Variants in KCNQ3 observed in about 807,000 individuals in gnomAD.
KCNQ3 encodes the protein potassium voltage-gated channel subfamily Q member 3, also known as potassium voltage-gated channel subfamily KQT member 3.
KCNQ3 carries 30 observed loss-of-function variants against 92.5 expected under a neutral mutation model. That is an observed-to-expected ratio of 0.32 (90% CI 0.24 to 0.44). The LOEUF is 0.44. Among genes scored for constraint, KCNQ3 ranks in the 20% least tolerant of loss-of-function variants. The pLI is 1.00. For synonymous variants in KCNQ3, 450 were observed against 468.8 expected, an observed-to-expected ratio of 0.96 and a Z score of 0.52; for missense variants, 913 against 1,140.3, an observed-to-expected ratio of 0.80 and a Z score of 2.87.
intron 1 of KCNQ3, among the ~76,000 whole-genome samples, chr8:132,222,925 T>G (rs1273304182): frequency 6.6e-6 from 1 of 152,208 alleles, no homozygotes; most frequent in Non-Finnish European, 1.5e-5. Context: ...CAATGCCAGC[T>G]TGGATGTGAC....
chr8:132,277,744 G>A (rs375740589), intron 1 of KCNQ3, among the ~76,000 whole-genome samples: 1 of 152,182 alleles, frequency 6.6e-6, no homozygotes, highest in Non-Finnish European at 1.5e-5. Context: ...CCAAAGGACG[G>A]CCCAGAAACC....
intron 13 of KCNQ3, 121 bp from the exon 14 acceptor site, chr8:132,132,385 T>C: frequency 1.3e-6 from 1 of 776,948 alleles, no homozygotes; most frequent in Non-Finnish European, 2.3e-6. Context: ...TTGTGTGGCA[T>C]AAAAGAGCAC....
At chr8:132,215,762 G>A (rs570655916) in intron 1 of KCNQ3, among the ~76,000 whole-genome samples, 29 of 152,320 alleles carry the variant, frequency 1.9e-4, no homozygotes, top group Admixed American at 7.8e-4. Flanking sequence ...TGAGGGTGCT[G>A]GTGAAGGCAC....
At chr8:132,448,571 AG>A (rs1456075342) in intron 1 of KCNQ3, among the ~76,000 whole-genome samples, 16 of 151,670 alleles carry the variant, frequency 1.1e-4, no homozygotes, top group Non-Finnish European at 2.2e-4. Context: ...AGGAGGAGGA[AG>A]GATGTGCTTG....
At chr8:132,343,075 A>C (rs1359815631) in intron 1 of KCNQ3, among the ~76,000 whole-genome samples, 1 of 152,186 alleles carries the variant, frequency 6.6e-6, no homozygotes, top group Admixed American at 6.5e-5. Context: ...CAGCGCTTCA[A>C]TCCAACCCTG....
chr8:132,235,204 T>C (rs1251492669), intron 1 of KCNQ3, among the ~76,000 whole-genome samples: 2 of 152,110 alleles, frequency 1.3e-5, no homozygotes, highest in Non-Finnish European at 2.9e-5. Context: ...CTAAGTGATT[T>C]AAGAAACTTC....
At chr8:132,284,797 G>T (rs557666895) in intron 1 of KCNQ3, among the ~76,000 whole-genome samples, 11 of 152,298 alleles carry the variant, frequency 7.2e-5, no homozygotes, top group African/African-American at 2.6e-4. Context: ...GTGCCGTTAA[G>T]GGGTGACTAG....
rs546182432 is a variant in KCNQ3 at position 132,217,449 on chromosome 8, G to A, written c.387-31268C>T. 2.4e-4 allele frequency among the ~76,000 whole-genome samples: 37 copies of A among 152,218 alleles called. No homozygotes were observed. The East Asian group carries it at 6.4e-3, about 26-fold the overall frequency. ...GAGTCGGCCGGACACGGTGGCTCACGCCTGTAATCCCAGCACTTTGGGAGG... is the reference window on the plus strand; with the variant it reads ...GAGTCGGCCGGACACGGTGGCTCACACCTGTAATCCCAGCACTTTGGGAGG... On this transcript the variant is annotated intron_variant, in intron 1 of 14. Coordinates refer to ENST00000388996, the MANE Select transcript of KCNQ3 (RefSeq NM_004519.4).
At chr8:132,463,643 G>A (rs781624960) in intron 1 of KCNQ3, among the ~76,000 whole-genome samples, 4 of 152,114 alleles carry the variant, frequency 2.6e-5, no homozygotes, top group South Asian at 2.1e-4. Flanking sequence ...CAGGTGACTC[G>A]GGCCAGGCAG....
At chr8:132,431,227 G>A (rs1821242845) in intron 1 of KCNQ3, among the ~76,000 whole-genome samples, 1 of 152,130 alleles carries the variant, frequency 6.6e-6, no homozygotes, top group Admixed American at 6.5e-5. Context: ...TGTCACTGAT[G>A]TGGACCATTC....
chr8:132,178,397 T>C (rs1285451304), intron 4 of KCNQ3, among the ~76,000 whole-genome samples: 1 of 152,230 alleles, frequency 6.6e-6, no homozygotes, highest in Non-Finnish European at 1.5e-5. Flanking sequence ...TTTTATGCTT[T>C]CATTCCACTT....
chr8:132,369,644 C>T (rs955599571), intron 1 of KCNQ3, among the ~76,000 whole-genome samples: 1 of 151,952 alleles, frequency 6.6e-6, no homozygotes. Context: ...CAGGAGCCAA[C>T]AGAAATAGTT....
intron 9 of KCNQ3, among the ~76,000 whole-genome samples, chr8:132,145,001 C>T (rs1487065670): frequency 1.3e-5 from 2 of 152,174 alleles, no homozygotes. Context: ...TGATTTTGAA[C>T]CCCCAGCCAG....
In KCNQ3 at chr8:132,389,317, C is replaced by G. The variant is rs186766614; in HGVS notation, c.386+90830G>C. Among the ~76,000 whole-genome samples the G allele has an allele frequency of 4.8e-3, 735 of 152,154 alleles. 5 individuals carry two copies. Among genetic ancestry groups the G allele is most frequent in the African/African-American group, 0.017 (686 of 41,514 alleles). On this transcript the variant is annotated intron_variant, in intron 1 of 14. Transcript: ENST00000388996. The stretch of plus-strand genomic sequence containing the variant: ...ACCAAAAATACAAAAATTAGCTGGG[C>G]GTGGTGGCACATGCCTGTAATCCCA...
intron 1 of KCNQ3, among the ~76,000 whole-genome samples, chr8:132,323,793 C>T (rs775983592): frequency 1.3e-5 from 2 of 152,014 alleles, no homozygotes; most frequent in Non-Finnish European, 2.9e-5. Context: ...CTCGGCCTTG[C>T]GCACCTCAAT....
At chr8:132,237,230 T>C (rs1001962538) in intron 1 of KCNQ3, among the ~76,000 whole-genome samples, 1 of 152,164 alleles carries the variant, frequency 6.6e-6, no homozygotes, top group Admixed American at 6.5e-5. Flanking sequence ...TGATGACACA[T>C]GGAGACTGGA....
intron 12 of KCNQ3, among the ~76,000 whole-genome samples, chr8:132,134,624 G>C (rs1040287321): frequency 6.6e-6 from 1 of 151,930 alleles, no homozygotes; most frequent in Admixed American, 6.6e-5. Context: ...GACAGAGCCA[G>C]AGAGAACCTA....
At chr8:132,338,421 C>G (rs1344306037) in intron 1 of KCNQ3, among the ~76,000 whole-genome samples, 3 of 152,218 alleles carry the variant, frequency 2.0e-5, no homozygotes, top group East Asian at 3.8e-4. Flanking sequence ...CATGTCCTCT[C>G]TGAGGGATAA....
chr8:132,476,518 C>A (rs1020867855), intron 1 of KCNQ3, among the ~76,000 whole-genome samples: 3 of 152,206 alleles, frequency 2.0e-5, no homozygotes, highest in Non-Finnish European at 4.4e-5. Flanking sequence ...GACATGGAAT[C>A]AAAGGACATT....
Sources: allele counts gnomAD v4.1 joint callset (sites outside exome capture counted in the v4.1 genomes callset), GRCh38; gene constraint gnomAD v4.1.1; transcripts MANE v1.5; gene names NCBI Gene and HGNC (gene_info 2026-07-23, HGNC 2026-07-21).